The following VRK1 variants were observed in gnomAD, a reference collection of about 807,000 sequenced individuals.
VRK1 encodes the protein VRK serine/threonine kinase 1.
VRK1 carries 33 observed loss-of-function variants against 57.1 expected under a neutral mutation model. The observed-to-expected ratio is 0.58, with a 90% CI of 0.44 to 0.77. VRK1 has a LOEUF of 0.77. Ranked by LOEUF, VRK1 falls within the 30% of genes least tolerant of loss-of-function variation. VRK1 has a pLI of 0.00. For missense variants in VRK1, 413 were observed against 477.3 expected (o/e 0.87, Z 1.25); for synonymous variants, 137 against 147.8 (o/e 0.93, Z 0.53).
intron 1 of VRK1, among the ~76,000 whole-genome samples, chr14:96,829,607 A>G (rs1886930314): frequency 6.6e-6 from 1 of 152,218 alleles, no homozygotes; most frequent in Non-Finnish European, 1.5e-5. Flanking sequence ...CAAGAGAATG[A>G]TAGAATAATA....
At chr14:96,803,168 AT>A (rs747521306) in intron 1 of VRK1, among the ~76,000 whole-genome samples, 8,670 of 127,868 alleles carry the variant, frequency 0.068, 245 homozygotes, top group South Asian at 0.11. Flanking sequence ...TGATGCTGGC[AT>A]TTTTTTTTTT....
At chr14:96,829,830 C>A (rs1227652645) in intron 1 of VRK1, among the ~76,000 whole-genome samples, 4 of 152,060 alleles carry the variant, frequency 2.6e-5, no homozygotes, top group Non-Finnish European at 5.9e-5. Flanking sequence ...AGTCTCAGTT[C>A]TACAAGTATA....
chr14:96,868,618 T>C (rs1334591925), intron 11 of VRK1, among the ~76,000 whole-genome samples: 1 of 152,148 alleles, frequency 6.6e-6, no homozygotes, highest in Non-Finnish European at 1.5e-5. Flanking sequence ...TACTTTACTA[T>C]AAGTGATACA....
rs200576037 is a variant in VRK1, at chr14:96,875,997, A to C, written c.1069-33A>C. On this transcript the variant is annotated intron_variant, in intron 11 of 12. Coordinates refer to ENST00000216639, the MANE Select transcript of VRK1 (RefSeq NM_003384.3). The stretch of plus-strand genomic sequence containing the variant: ...TTTGTAGTTTACTTGACTGTCAGAT[A>C]TCTCTCTCTCTCTCTTTAATTTTAT... The C allele has an allele frequency of 1.1e-3, 1,807 of 1,585,804 alleles. 14 individuals are homozygous for C. In the South Asian group the frequency reaches 0.012, roughly 11 times the overall value.
intron 1 of VRK1, among the ~76,000 whole-genome samples, chr14:96,815,444 G>A (rs1886355591): frequency 6.6e-6 from 1 of 152,106 alleles, no homozygotes; most frequent in Admixed American, 6.5e-5. Flanking sequence ...TAAAGACGGA[G>A]GGGTAGAATC....
intron 12 of VRK1, chr14:96,877,744 A>G (rs1259532156): frequency 2.2e-6 from 2 of 908,818 alleles, no homozygotes; most frequent in East Asian, 2.4e-4. Context: ...CATCAGGAAG[A>G]CTCATCCCTT....
intron 1 of VRK1, among the ~76,000 whole-genome samples, chr14:96,806,677 A>G (rs1045445804): frequency 2.0e-5 from 3 of 152,172 alleles, no homozygotes; most frequent in African/African-American, 2.4e-5. Context: ...ATTTGGTGTA[A>G]TGTCTGGCCC....
intron 1 of VRK1, among the ~76,000 whole-genome samples, chr14:96,800,603 A>G (rs1885620346): frequency 6.6e-6 from 1 of 152,086 alleles, no homozygotes; most frequent in Non-Finnish European, 1.5e-5. Context: ...GTCAGCTTGG[A>G]AACATATATG....
rs372110098 is a variant in VRK1, at chr14:96,825,410, A to G, written c.-5-8057A>G. The stretch of plus-strand genomic sequence containing the variant: ...ATTGTCCTTTGCAGTTGGGTGATGT[A>G]TATTAAACATAAAGTTAGATATCTG... On this transcript the variant is annotated intron_variant, in intron 1 of 12. Transcript: ENST00000216639. Among the ~76,000 whole-genome samples the G allele has an allele frequency of 2.0e-4, 30 of 152,214 alleles. 1 individual carries two copies. The highest frequency in any genetic ancestry group is 1.2e-3 in the South Asian group (6 of 4,832).
In VRK1 at chr14:96,852,782, G is replaced by A. The variant is rs368276508; in HGVS notation, c.375-49G>A. 66 of 1,481,418 alleles carry A rather than the reference G, an allele frequency of 4.5e-5. No homozygotes were observed. In the African/African-American group the frequency reaches 8.5e-4, roughly 19 times the overall value. 91.8% of individuals were successfully genotyped at this position (1,481,418 alleles called of 1,614,324 possible). A position where few individuals can be genotyped will look rare whatever the true frequency, so the allele number is the denominator to read the frequency against. On this transcript the variant is annotated intron_variant, in intron 5 of 12. Transcript: ENST00000216639. ...TTTGAGAGTACTCATTACAAAGTTG[G>A]TTTTCTTGCATTGTATTTTGTTCAT...
intron 5 of VRK1, 147 bp downstream of exon 5, chr14:96,847,491 A>C: frequency 1.4e-6 from 1 of 702,750 alleles, no homozygotes; most frequent in South Asian, 1.6e-5. Context: ...GAGAGGAATA[A>C]GATGTTATCT....
Position 96,806,033 on chromosome 14 carries a change from C to CA in VRK1, c.-6+8588dup, listed in dbSNP as rs577652129. On this transcript the variant is annotated intron_variant, in intron 1 of 12. Coordinates refer to ENST00000216639, the MANE Select transcript of VRK1 (RefSeq NM_003384.3). ...AAGAGCAAGCTCTTATAGTGCTATG[C>CA]AAGCTGCCCATTTAAAACTATCATT... is the stretch of plus-strand genomic sequence containing the variant. Among the ~76,000 whole-genome samples the CA allele has an allele frequency of 4.4e-3, 658 of 148,466 alleles. 7 individuals carry two copies. Among genetic ancestry groups the CA allele is most frequent in the African/African-American group, 0.016 (631 of 40,092 alleles).
intron 12 of VRK1, among the ~76,000 whole-genome samples, chr14:96,879,947 TA>T (rs772571861): frequency 6.6e-6 from 1 of 151,198 alleles, no homozygotes; most frequent in Admixed American, 6.6e-5. Context: ...ATAATAATAA[TA>T]AAAATAAAAT....
chr14:96,852,249 A>T (rs1320985910), intron 5 of VRK1, among the ~76,000 whole-genome samples: 2 of 152,198 alleles, frequency 1.3e-5, no homozygotes, highest in African/African-American at 4.8e-5. Flanking sequence ...CTTTATGCAA[A>T]GCCAGTTATC....
chr14:96,825,998 G>C (rs1784315451), intron 1 of VRK1, among the ~76,000 whole-genome samples: 1 of 152,020 alleles, frequency 6.6e-6, no homozygotes, highest in African/African-American at 2.4e-5. Flanking sequence ...TTAAGTGTAA[G>C]TGTCATTGTT....
Position 96,879,882 on chromosome 14 carries a change from C to T in VRK1, c.1160-1295C>T, listed in dbSNP as rs368476345. Among the ~76,000 whole-genome samples, 110 of 151,348 alleles carry T rather than the reference C, an allele frequency of 7.3e-4. 1 individual carries two copies. The South Asian group carries it at 0.012, about 17-fold the overall frequency. On this transcript the variant is annotated intron_variant, in intron 12 of 12. Transcript: ENST00000216639. ...AGGCGGAGGTTGCCTGAGCCAAGAT[C>T]GTGTCACTGCACTCTAGCCTGGCAA... is the stretch of plus-strand genomic sequence containing the variant.
intron 11 of VRK1, among the ~76,000 whole-genome samples, chr14:96,868,418 T>G (rs1417589274): frequency 6.6e-6 from 1 of 152,190 alleles, no homozygotes; most frequent in African/African-American, 2.4e-5. Context: ...CAGACATAGT[T>G]AAGAACCACT....
intron 1 of VRK1, among the ~76,000 whole-genome samples, chr14:96,807,903 C>A (rs1383761408): frequency 6.6e-6 from 1 of 152,090 alleles, no homozygotes; most frequent in African/African-American, 2.4e-5. Flanking sequence ...ATTGGAAATA[C>A]AAGAGAAAGA....
At chr14:96,846,066 C>A (rs756846520) in intron 3 of VRK1, 29 bp from the exon 4 acceptor site, 23 of 1,569,492 alleles carry the variant, frequency 1.5e-5, no homozygotes, top group Non-Finnish European at 2.0e-5. Flanking sequence ...TTAACTACTG[C>A]TAGTACTAAT....
Sources: gnomAD v4.1 joint callset for allele counts (sites outside exome capture counted in the v4.1 genomes callset) on GRCh38, gnomAD v4.1.1 for gene constraint, MANE v1.5 for transcripts, NCBI Gene and HGNC (gene_info 2026-07-23, HGNC 2026-07-21) for gene names.